Variants in PRKN observed in about 807,000 individuals in gnomAD.
PRKN encodes the protein E3 ubiquitin-protein ligase parkin.
PRKN carries 56 observed loss-of-function variants against 59.5 expected under a neutral mutation model. The observed-to-expected ratio is 0.94, with a 90% CI of 0.76 to 1.18. PRKN has a LOEUF of 1.18. Ranked by LOEUF, PRKN falls within the 50% of genes most tolerant of loss-of-function variation. The pLI, the probability that PRKN is intolerant of heterozygous loss-of-function variation, is 0.00. For missense variants in PRKN, 657 were observed against 596.4 expected (o/e 1.10, Z -1.06); for synonymous variants, 250 against 222.1 (o/e 1.13, Z -1.12).
intron 1 of PRKN, among the ~76,000 whole-genome samples, chr6:162,521,753 A>T (rs56232315): frequency 0.09 from 13,708 of 152,180 alleles, 670 homozygotes; most frequent in South Asian, 0.18. Context: ...CCAAATACTT[A>T]CTGTTTAAGG....
intron 2 of PRKN, among the ~76,000 whole-genome samples, chr6:162,373,610 C>A (rs968401136): frequency 6.6e-6 from 1 of 152,088 alleles, no homozygotes; most frequent in Admixed American, 6.6e-5. Context: ...AAACTGATGA[C>A]TGCCTATGTA....
chr6:162,072,558 G>A (rs570865856), intron 4 of PRKN, among the ~76,000 whole-genome samples: 2 of 152,158 alleles, frequency 1.3e-5, no homozygotes, highest in South Asian at 4.2e-4. Context: ...ATTTTTATTC[G>A]TGCAATTTCC....
intron 2 of PRKN, among the ~76,000 whole-genome samples, chr6:162,414,704 C>A (rs1041958084): frequency 2.8e-5 from 1 of 35,156 alleles, no homozygotes. Flanking sequence ...GAGCAAGACT[C>A]CGTCTCAAAA....
At chr6:162,121,447 G>C (rs9355981) in intron 4 of PRKN, among the ~76,000 whole-genome samples, 32,553 of 151,988 alleles carry the variant, frequency 0.21, 3,829 homozygotes, top group Non-Finnish European at 0.26. Context: ...GTACTTGATG[G>C]GCCTCCTTGG....
intron 3 of PRKN, among the ~76,000 whole-genome samples, chr6:162,222,013 A>G (rs1350890562): frequency 6.6e-6 from 1 of 152,180 alleles, no homozygotes; most frequent in Non-Finnish European, 1.5e-5. Context: ...AAAGGATGAA[A>G]AAGATAAAAG....
intron 6 of PRKN, among the ~76,000 whole-genome samples, chr6:161,950,257 A>T (rs558473141): frequency 6.6e-6 from 1 of 152,310 alleles, no homozygotes; most frequent in African/African-American, 2.4e-5. Flanking sequence ...AATTGGTTCT[A>T]TCTTTGGCCG....
At chr6:161,986,296 G>A (rs1327722949) in intron 5 of PRKN, among the ~76,000 whole-genome samples, 4 of 152,172 alleles carry the variant, frequency 2.6e-5, no homozygotes, top group African/African-American at 7.2e-5. Context: ...TAACACCACC[G>A]GAGCTATAAC....
intron 1 of PRKN, among the ~76,000 whole-genome samples, chr6:162,634,364 T>C (rs1005893002): frequency 2.6e-5 from 4 of 152,096 alleles, no homozygotes; most frequent in African/African-American, 9.7e-5. Context: ...GCATGGTAGC[T>C]CACACCTGTA....
intron 2 of PRKN, among the ~76,000 whole-genome samples, chr6:162,422,089 T>C (rs1309647448): frequency 1.3e-5 from 2 of 152,160 alleles, no homozygotes; most frequent in Non-Finnish European, 2.9e-5. Context: ...TTTAGTCTTG[T>C]CCAGGAAAGA....
chr6:161,973,348 C>G lies in PRKN; in HGVS notation c.688G>C (p.Ala230Pro). ...KETSVALHLI[A>P]TNSRNITCIT... ...CAAGTGATGTTCCGACTATTTGTTGCGATCAGGTGCAAAGCTACTGATGTT... is the reference window on the plus strand; with the variant it reads ...CAAGTGATGTTCCGACTATTTGTTGGGATCAGGTGCAAAGCTACTGATGTT... Residue 230 changes from alanine (A) to proline (P), a missense_variant, in exon 6 of 12, where the codon GCA becomes CCA. Physicochemically the swap from Ala to Pro is conservative, Grantham distance 27. Coordinates refer to ENST00000366898, the MANE Select transcript of PRKN (RefSeq NM_004562.3). 1 of 1,613,814 alleles carries G rather than the reference C, an allele frequency of 6.2e-7. No individual in the cohort carries two copies. The highest frequency in any genetic ancestry group is 1.1e-5 in the South Asian group (1 of 91,068).
intron 4 of PRKN, among the ~76,000 whole-genome samples, chr6:162,157,888 C>T (rs1782583316): frequency 6.6e-6 from 1 of 151,838 alleles, no homozygotes; most frequent in Non-Finnish European, 1.5e-5. Context: ...AGCTTGTCTT[C>T]CATAATAATA....
At chr6:162,340,395 AAT>A (rs1339142398) in intron 2 of PRKN, among the ~76,000 whole-genome samples, 2 of 152,228 alleles carry the variant, frequency 1.3e-5, no homozygotes, top group Non-Finnish European at 2.9e-5. Context: ...GTGAATAAAA[AAT>A]ATATAGTCAA....
At chr6:161,706,058 C>T (rs1786478024) in intron 7 of PRKN, among the ~76,000 whole-genome samples, 1 of 151,838 alleles carries the variant, frequency 6.6e-6, no homozygotes, top group South Asian at 2.1e-4. Flanking sequence ...ATAATGTGGC[C>T]CTTCGCTGTT....
chr6:161,749,730 G>A (rs775871979), intron 7 of PRKN, among the ~76,000 whole-genome samples: 14 of 152,106 alleles, frequency 9.2e-5, no homozygotes, highest in Non-Finnish European at 1.9e-4. Context: ...CCTCGGCCTC[G>A]GGGCTGACAT....
chr6:162,643,468 G>A (rs1261951719), intron 1 of PRKN, among the ~76,000 whole-genome samples: 4 of 150,252 alleles, frequency 2.7e-5, no homozygotes, highest in African/African-American at 9.8e-5. Context: ...TTTTAAATGA[G>A]CTGTCACATT....
intron 1 of PRKN, among the ~76,000 whole-genome samples, chr6:162,564,305 A>G (rs1478163456): frequency 6.6e-6 from 1 of 152,114 alleles, no homozygotes; most frequent in East Asian, 1.9e-4. Flanking sequence ...AGATAACACC[A>G]CTGCACTCCA....
intron 5 of PRKN, among the ~76,000 whole-genome samples, chr6:162,018,127 C>T (rs866866483): frequency 2.5e-4 from 38 of 152,258 alleles, no homozygotes; most frequent in South Asian, 2.1e-3. Context: ...CCTGGGTTCA[C>T]GCCATTCTCC....
At chr6:161,706,877 T>C (rs1200276195) in intron 7 of PRKN, among the ~76,000 whole-genome samples, 1 of 152,178 alleles carries the variant, frequency 6.6e-6, no homozygotes, top group Non-Finnish European at 1.5e-5. Flanking sequence ...TATTCTGTTC[T>C]TAAACATTAA....
At chr6:162,050,816 T>C (rs1434041996) in intron 5 of PRKN, among the ~76,000 whole-genome samples, 1 of 152,014 alleles carries the variant, frequency 6.6e-6, no homozygotes, top group African/African-American at 2.4e-5. Flanking sequence ...TTGAGGCCAC[T>C]CCCACCTCCC....
Sources: gnomAD v4.1 joint callset for allele counts (sites outside exome capture counted in the v4.1 genomes callset) on GRCh38, gnomAD v4.1.1 for gene constraint, MANE v1.5 for transcripts, NCBI Gene and HGNC (gene_info 2026-07-23, HGNC 2026-07-21) for gene names.